ZNF138: variants seen among roughly 807,000 people sequenced by gnomAD.
ZNF138 encodes zinc finger protein 138 (clone pHZ-32).
ZNF138 carries 33 observed loss-of-function variants against 33.0 expected under a neutral mutation model. That is an observed-to-expected ratio of 1.00 (90% CI 0.76 to 1.34). ZNF138 has a LOEUF of 1.34. ZNF138 is among the 40% of genes most tolerant of loss of function. The pLI, the probability that ZNF138 is intolerant of heterozygous loss-of-function variation, is 0.00. For synonymous variants in ZNF138, 139 were observed against 120.4 expected, an observed-to-expected ratio of 1.15 and a Z score of -1.01; for missense variants, 360 against 370.8, an observed-to-expected ratio of 0.97 and a Z score of 0.24.
At chr7:64,854,989 TATATTG>T in the ZNF138 span, among the ~76,000 whole-genome samples, 1,399 of 152,308 alleles carry the variant, frequency 9.2e-3, 15 homozygotes, top group African/African-American at 0.032. Context: ...AGCAAATAAT[TATATTG>T]AATTAATAGG....
chr7:64,815,158 T>G (rs1788512586), intron 2 of ZNF138, 114 bp downstream of exon 2: 1 of 1,112,040 alleles, frequency 9.0e-7, no homozygotes. Flanking sequence ...AGTTTCAGAT[T>G]CCTGTTTTCA....
intron 3 of ZNF138, among the ~76,000 whole-genome samples, chr7:64,828,330 A>G (rs956935890): frequency 6.6e-6 from 1 of 152,106 alleles, no homozygotes; most frequent in Non-Finnish European, 1.5e-5. Flanking sequence ...ATCTCACTAC[A>G]CATTAAACAA....
At chr7:64,844,685 T>G in the ZNF138 span, among the ~76,000 whole-genome samples, 1 of 151,706 alleles carries the variant, frequency 6.6e-6, no homozygotes, top group Non-Finnish European at 1.5e-5. Flanking sequence ...TTGTTTTGTT[T>G]TGTTTTGTTT....
At chr7:64,851,701 C>G in the ZNF138 span, among the ~76,000 whole-genome samples, 2 of 151,792 alleles carry the variant, frequency 1.3e-5, no homozygotes, top group Non-Finnish European at 2.9e-5. Context: ...AAAAAGTATC[C>G]TTTTTTTGCT....
intron 3 of ZNF138, among the ~76,000 whole-genome samples, chr7:64,825,992 C>T (rs963183370): frequency 2.0e-5 from 3 of 152,018 alleles, no homozygotes; most frequent in African/African-American, 7.2e-5. Flanking sequence ...TACCATTACA[C>T]CCAGCTAGTT....
At chr7:64,824,505 C>T (rs925724853) in intron 3 of ZNF138, among the ~76,000 whole-genome samples, 9 of 152,066 alleles carry the variant, frequency 5.9e-5, no homozygotes, top group African/African-American at 1.9e-4. Context: ...TTTCTGTTTT[C>T]TCTTGATTTT....
chr7:64,835,973 T>A (rs942611903), downstream of ZNF138: 2 of 152,194 alleles, frequency 1.3e-5, no homozygotes, highest in Non-Finnish European at 2.9e-5. Context: ...AGGGTCAGGC[T>A]AGGGATGAGA....
At chr7:64,853,635 A>G in the ZNF138 span, among the ~76,000 whole-genome samples, 1 of 150,954 alleles carries the variant, frequency 6.6e-6, no homozygotes, top group Non-Finnish European at 1.5e-5. Flanking sequence ...AAAAAATTAA[A>G]TATATTGATT....
chr7:64,843,508 G>GT, the ZNF138 span, among the ~76,000 whole-genome samples: 37 of 151,748 alleles, frequency 2.4e-4, no homozygotes, highest in Non-Finnish European at 4.6e-4. Context: ...AGTTGATATA[G>GT]TTTTTTTTGC....
chr7:64,822,770 A>C (rs1789271294), intron 3 of ZNF138, among the ~76,000 whole-genome samples: 1 of 152,230 alleles, frequency 6.6e-6, no homozygotes, highest in African/African-American at 2.4e-5. Context: ...AAATTTAAAA[A>C]TTTTAAACTA....
chr7:64,838,195 C>T (rs1364738066), downstream of ZNF138, among the ~76,000 whole-genome samples: 1 of 152,184 alleles, frequency 6.6e-6, no homozygotes, highest in African/African-American at 2.4e-5. Flanking sequence ...AGCTGGAGGG[C>T]ACCTTCGCCA....
At chr7:64,852,297 A>G in the ZNF138 span, 1 of 788,112 alleles carries the variant, frequency 1.3e-6, no homozygotes, top group Non-Finnish European at 2.1e-6. Flanking sequence ...ATATGTAGAT[A>G]CAGTGAGATT....
chr7:64,853,385 A>C, the ZNF138 span: 24 of 1,246,638 alleles, frequency 1.9e-5, no homozygotes, highest in Non-Finnish European at 2.3e-5. Context: ...CTCACAGCTC[A>C]GCCCCTCCCT....
At chr7:64,809,635 G>A (rs1787957892) in intron 1 of ZNF138, among the ~76,000 whole-genome samples, 1 of 149,854 alleles carries the variant, frequency 6.7e-6, no homozygotes, top group Admixed American at 6.6e-5. Context: ...GTGGCTGCCG[G>A]GCGGAGACGC....
chr7:64,828,492 A>G (rs928126476), intron 3 of ZNF138, among the ~76,000 whole-genome samples: 1 of 152,140 alleles, frequency 6.6e-6, no homozygotes, highest in Non-Finnish European at 1.5e-5. Context: ...TATAGTTGTT[A>G]CAATATTTCC....
the ZNF138 span, among the ~76,000 whole-genome samples, chr7:64,860,600 G>A: frequency 6.6e-6 from 1 of 152,116 alleles, no homozygotes; most frequent in Non-Finnish European, 1.5e-5. Flanking sequence ...TAAATGGGCA[G>A]CACTTTTGGC....
chr7:64,839,252 T>C, the ZNF138 span, among the ~76,000 whole-genome samples: 1 of 152,192 alleles, frequency 6.6e-6, no homozygotes, highest in African/African-American at 2.4e-5. Flanking sequence ...TTAGTTGCTT[T>C]CGTTTTAAAT....
At chr7:64,821,915 CTTTTTT>C (rs143245584) in intron 3 of ZNF138, among the ~76,000 whole-genome samples, 2 of 85,674 alleles carry the variant, frequency 2.3e-5, no homozygotes, top group Non-Finnish European at 2.2e-5. Flanking sequence ...CAAATATTGT[CTTTTTT>C]TTTTTTTTTT....
intron 3 of ZNF138, chr7:64,831,049 A>C (rs908479157): frequency 6.4e-7 from 1 of 1,551,876 alleles, no homozygotes; most frequent in Non-Finnish European, 8.7e-7. Context: ...AGTGTCTGCA[A>C]AAGCACCTAG....
Sources: allele counts gnomAD v4.1 joint callset (sites outside exome capture counted in the v4.1 genomes callset), GRCh38; gene constraint gnomAD v4.1.1; transcripts MANE v1.5; gene names NCBI Gene and HGNC (gene_info 2026-07-23, HGNC 2026-07-21).